TAFA5: variants seen among roughly 807,000 people sequenced by gnomAD.
TAFA5 encodes the protein chemokine-like protein TAFA-5.
A neutral mutation model predicts 15.3 loss-of-function variants in TAFA5; 6 were observed. The ratio of observed to expected loss-of-function variants is 0.39; its 90% CI spans 0.21 to 0.77. The LOEUF (loss-of-function observed/expected upper bound fraction) is 0.77, where lower values mean the gene tolerates loss of function less well. TAFA5 is among the 30% of genes least tolerant of loss of function. The probability of loss-of-function intolerance (pLI) is 0.41; values close to 1 mark genes in which losing one functional copy is unlikely to be tolerated. For missense variants in TAFA5, 161 were observed against 193.1 expected (o/e 0.83, Z 0.98); for synonymous variants, 103 against 80.7 (o/e 1.28, Z -1.48).
chr22:48,518,981 C>A (rs759441521), intron 1 of TAFA5, among the ~76,000 whole-genome samples: 1 of 152,100 alleles, frequency 6.6e-6, no homozygotes, highest in Non-Finnish European at 1.5e-5. Context: ...TGTCGGACAC[C>A]CTGGAGGGAG....
intron 2 of TAFA5, among the ~76,000 whole-genome samples, chr22:48,679,265 C>T (rs1194188238): frequency 3.6e-5 from 2 of 55,174 alleles, no homozygotes; most frequent in South Asian, 7.1e-4. Context: ...CTCCCGGCTC[C>T]CCATCCATCC....
At chr22:48,534,056 G>A (rs555064820) in intron 1 of TAFA5, among the ~76,000 whole-genome samples, 1 of 152,216 alleles carries the variant, frequency 6.6e-6, no homozygotes, top group Admixed American at 6.5e-5. Flanking sequence ...GAGCCCACAT[G>A]GTCTCCTTCC....
chr22:48,558,939 G>A (rs1013330813), intron 1 of TAFA5, among the ~76,000 whole-genome samples: 1 of 152,250 alleles, frequency 6.6e-6, no homozygotes, highest in African/African-American at 2.4e-5. Context: ...GCAGGTGCCA[G>A]GCCTGAACTG....
At chr22:48,715,233 C>A (rs1929367492) in intron 3 of TAFA5, among the ~76,000 whole-genome samples, 2 of 152,218 alleles carry the variant, frequency 1.3e-5, no homozygotes, top group South Asian at 4.1e-4. Flanking sequence ...AGCCCACCTG[C>A]CACCAGCCGG....
At chr22:48,715,875 C>G (rs1929387570) in intron 3 of TAFA5, among the ~76,000 whole-genome samples, 1 of 152,228 alleles carries the variant, frequency 6.6e-6, no homozygotes, top group East Asian at 1.9e-4. Flanking sequence ...GTCGAGAAGC[C>G]TGGAGATTTT....
Position 48,750,220 on chromosome 22 carries a change from C to G in TAFA5, c.*373C>G, listed in dbSNP as rs553161127. On this transcript the variant is annotated 3_prime_UTR_variant, in exon 4 of 4. Transcript: ENST00000402357. ...GCTGCAGCCCAGCCCGCCTGAGACA[C>G]GACGCCTGCCCCAGGGGACTGTCAG... 9.0e-6 allele frequency: 3 copies of G among 335,118 alleles called. No homozygotes were observed. Among genetic ancestry groups the G allele is most frequent in the African/African-American group, 6.4e-5 (3 of 46,776 alleles). 20.8% of individuals were successfully genotyped at this position (335,118 alleles called of 1,614,324 possible).
intron 1 of TAFA5, among the ~76,000 whole-genome samples, chr22:48,608,889 C>A (rs28568716): frequency 9.2e-5 from 14 of 152,204 alleles, no homozygotes; most frequent in Middle Eastern, 6.8e-3. Flanking sequence ...AGGTTTGCAG[C>A]CCTTGTGCTG....
intron 2 of TAFA5, among the ~76,000 whole-genome samples, chr22:48,685,689 G>A (rs1391710533): frequency 6.6e-6 from 1 of 151,876 alleles, no homozygotes; most frequent in East Asian, 1.9e-4. Flanking sequence ...ATTTCTCTGG[G>A]CTCTCCTTGG....
At chr22:48,561,690 T>C (rs1036018125) in intron 1 of TAFA5, among the ~76,000 whole-genome samples, 5 of 152,194 alleles carry the variant, frequency 3.3e-5, no homozygotes, top group African/African-American at 9.6e-5. Flanking sequence ...GCGATGCCCA[T>C]TGGGGGTCAT....
intron 1 of TAFA5, among the ~76,000 whole-genome samples, chr22:48,521,325 G>T (rs765203446): frequency 6.6e-6 from 1 of 152,142 alleles, no homozygotes; most frequent in African/African-American, 2.4e-5. Context: ...GGAGTGGAAG[G>T]TTCCAGATCA....
chr22:48,506,560 C>T (rs1444559857), intron 1 of TAFA5, among the ~76,000 whole-genome samples: 3 of 152,196 alleles, frequency 2.0e-5, no homozygotes, highest in South Asian at 2.1e-4. Context: ...GAGCTGGCTT[C>T]GTGTGTCTGT....
intron 2 of TAFA5, among the ~76,000 whole-genome samples, chr22:48,671,220 G>A (rs1029863666): frequency 1.3e-5 from 2 of 152,146 alleles, no homozygotes; most frequent in South Asian, 2.1e-4. Context: ...CGAGCCATTC[G>A]GGGAAACAGC....
In TAFA5 at chr22:48,633,522, CTGTCTGTCTG is replaced by C. The variant is rs757559741; in HGVS notation, c.113-13073_113-13064del. Among the ~76,000 whole-genome samples the C allele has an allele frequency of 2.9e-3, 260 of 90,328 alleles. 4 individuals carry two copies. The highest frequency in any genetic ancestry group is 4.0e-3 in the Non-Finnish European group (191 of 47,476). The allele number at this position is 90,328 out of a possible 152,430, so 59.3% of individuals were successfully genotyped here. ...TCTGTCTGTCTGTCTGTCTGTCTGTCTGTCTGTCTGTCTCTCCCTCTCTCTCTCTCTCTCT... is the reference window on the plus strand; with the variant it reads ...TCTGTCTGTCTGTCTGTCTGTCTGTCTCTCTCCCTCTCTCTCTCTCTCTCT... On this transcript the variant is annotated intron_variant, in intron 1 of 3. Coordinates refer to ENST00000402357, the MANE Select transcript of TAFA5 (RefSeq NM_001082967.3).
At chr22:48,547,725 G>T (rs377229026) in intron 1 of TAFA5, among the ~76,000 whole-genome samples, 1 of 152,154 alleles carries the variant, frequency 6.6e-6, no homozygotes, top group South Asian at 2.1e-4. Context: ...CCTTGGGAGC[G>T]TGTTAGGAAT....
Position 48,666,535 on chromosome 22 carries a change from C to CG in TAFA5, c.262+19789_262+19790insG, listed in dbSNP as rs1569071082. Reference sequence around the variant, plus strand: ...GGCGTTACTGAGGCCCGTGACCAGGCAATACTGAGACCCGTGACCAGTCAG... The same window carrying CG: ...GGCGTTACTGAGGCCCGTGACCAGGCGAATACTGAGACCCGTGACCAGTCAG... On this transcript the variant is annotated intron_variant, in intron 2 of 3. Transcript: ENST00000402357. 4.5e-3 allele frequency among the ~76,000 whole-genome samples: 678 copies of CG among 152,248 alleles called. 3 individuals are homozygous for CG. The highest frequency in any genetic ancestry group is 7.3e-3 in the Non-Finnish European group (496 of 68,012).
chr22:48,698,890 C>T (rs1928812266), intron 2 of TAFA5, among the ~76,000 whole-genome samples: 1 of 151,312 alleles, frequency 6.6e-6, no homozygotes, highest in African/African-American at 2.4e-5. Context: ...GCTCTACTGA[C>T]CAGCCCAGAG....
chr22:48,750,029 C>A lies in TAFA5; in HGVS notation c.*182C>A. On this transcript the variant is annotated 3_prime_UTR_variant, in exon 4 of 4. Coordinates refer to ENST00000402357, the MANE Select transcript of TAFA5 (RefSeq NM_001082967.3). ...CATCCTGAGCTTCGGTCTGTCCAGC[C>A]GACCCGAGGAGGCCGGACTCAGACA... The A allele has an allele frequency of 1.6e-6, 1 of 638,646 alleles. No individual in the cohort carries two copies. Among genetic ancestry groups the A allele is most frequent in the South Asian group, 1.9e-5 (1 of 52,782 alleles). 39.6% of individuals were successfully genotyped at this position (638,646 alleles called of 1,614,324 possible).
At position 48,550,257 on chromosome 22, in the gene TAFA5, A is replaced by G. The variant is rs1490251158; in HGVS notation, c.112+60553A>G. ...GCTCCAGGGCCTGGGCAGATGGCGC[A>G]TCTGGCCGGGATAAGGTGTAGGCCT... On this transcript the variant is annotated intron_variant, in intron 1 of 3. Coordinates refer to ENST00000402357, the MANE Select transcript of TAFA5 (RefSeq NM_001082967.3). The surrounding 1 kb of genome is among the most constrained non-coding windows in gnomAD (Gnocchi z 4.1). 2.0e-5 allele frequency among the ~76,000 whole-genome samples: 3 copies of G among 152,212 alleles called. No individual in the cohort carries two copies. The highest frequency in any genetic ancestry group is 4.4e-5 in the Non-Finnish European group (3 of 68,028).
At chr22:48,539,415 G>A (rs529943214) in intron 1 of TAFA5, 1 of 471,112 alleles carries the variant, frequency 2.1e-6, no homozygotes, top group Non-Finnish European at 4.4e-6. Context: ...TGTTTCCCAG[G>A]CAGGAAAAGC....
Sources: gnomAD v4.1 joint callset for allele counts (sites outside exome capture counted in the v4.1 genomes callset) on GRCh38, gnomAD v4.1.1 for gene constraint, Gnocchi (gnomAD v3.1) non-coding constraint, MANE v1.5 for transcripts, NCBI Gene and HGNC (gene_info 2026-07-23, HGNC 2026-07-21) for gene names.